FREM3: variants seen among roughly 807,000 people sequenced by gnomAD.
FREM3 encodes the protein FRAS1 related extracellular matrix 3, also known as FRAS1-related extracellular matrix protein 3.
In FREM3, 105 loss-of-function variants were observed where a neutral mutation model predicts 129.1. The ratio of observed to expected loss-of-function variants is 0.81; its 90% CI spans 0.69 to 0.96. The LOEUF (loss-of-function observed/expected upper bound fraction) is 0.96, where lower values mean the gene tolerates loss of function less well. Among genes scored for constraint, FREM3 ranks in the 40% least tolerant of loss-of-function variants. FREM3 has a pLI of 0.00. For synonymous variants in FREM3, 1,014 were observed against 1,044.9 expected (o/e 0.97, Z 0.57); for missense variants, 2,593 against 2,666.3 (o/e 0.97, Z 0.61).
At chr4:143,620,974 C>T in intron 5 of FREM3, 63 bp downstream of exon 5, 1 of 1,466,658 alleles carries the variant, frequency 6.8e-7, no homozygotes, top group Non-Finnish European at 9.2e-7. Context: ...GTACTCCCAG[C>T]ATTACCACAG....
At chr4:143,594,005 G>T (rs898204312) in intron 6 of FREM3, among the ~76,000 whole-genome samples, 2 of 152,216 alleles carry the variant, frequency 1.3e-5, no homozygotes, top group African/African-American at 4.8e-5. Flanking sequence ...GCGAGGCTCT[G>T]TGGGCGTAGG....
rs1384538581 is a variant in FREM3 at position 143,652,769 on chromosome 4, CA to C, written c.5276-25010del. On this transcript the variant is annotated intron_variant, in intron 2 of 7. Transcript: ENST00000329798. Reference sequence around the variant, plus strand: ...CTCAGCCTCTGAGTAGCTGGGATTACAGTTGCATGCCTCCATGCCCAGCTAA... The same window carrying C: ...CTCAGCCTCTGAGTAGCTGGGATTACGTTGCATGCCTCCATGCCCAGCTAA... 5.9e-5 allele frequency among the ~76,000 whole-genome samples: 9 copies of C among 152,316 alleles called. No individual in the cohort carries two copies. The South Asian group carries it at 1.9e-3, about 32-fold the overall frequency.
intron 2 of FREM3, among the ~76,000 whole-genome samples, chr4:143,682,427 G>A (rs984707380): frequency 5.9e-5 from 9 of 152,228 alleles, no homozygotes; most frequent in African/African-American, 1.7e-4. Context: ...GACTGATTGC[G>A]GGCTACCACT....
chr4:143,611,511 C>T lies in FREM3; in HGVS notation c.5796G>A (p.Thr1932=), dbSNP rs1319410474. 22 of 1,536,902 alleles carry T rather than the reference C, an allele frequency of 1.4e-5. No homozygotes were observed. The highest frequency in any genetic ancestry group is 8.2e-5 in the African/African-American group (6 of 73,122). The change falls in exon 6 of 8, where the codon ACG becomes ACA. Residue 1932 remains threonine, a synonymous_variant. Coordinates refer to ENST00000329798, the MANE Select transcript of FREM3 (RefSeq NM_001168235.2). ...CSTRQGSATG[T]ISSTVLFSDY... ...CAGAGAATAACACTGTGGAAGAAAT[C>T]GTGCCTGTGGCAGAACCTACAGAAA...
intron 6 of FREM3, among the ~76,000 whole-genome samples, chr4:143,603,181 A>C (rs1370448092): frequency 6.6e-6 from 1 of 152,158 alleles, no homozygotes; most frequent in Non-Finnish European, 1.5e-5. Flanking sequence ...GCCCACAGAC[A>C]AAATTGAGCT....
In FREM3 at chr4:143,630,220, G is replaced by A. The variant is rs1010924048; in HGVS notation, c.5276-2460C>T. On this transcript the variant is annotated intron_variant, in intron 2 of 7. Coordinates refer to ENST00000329798, the MANE Select transcript of FREM3 (RefSeq NM_001168235.2). Reference sequence around the variant, plus strand: ...AAGAAAATAATGCTACCAAATGACCGGCACAAATTAGGTGCTCAATAAATG... The same window carrying A: ...AAGAAAATAATGCTACCAAATGACCAGCACAAATTAGGTGCTCAATAAATG... Among the ~76,000 whole-genome samples, 22 of 152,130 alleles carry A rather than the reference G, an allele frequency of 1.4e-4. No individual in the cohort carries two copies. The Middle Eastern group carries it at 0.01, about 71-fold the overall frequency.
intron 2 of FREM3, among the ~76,000 whole-genome samples, chr4:143,655,470 T>C (rs1157615008): frequency 6.6e-6 from 1 of 152,192 alleles, no homozygotes; most frequent in African/African-American, 2.4e-5. Context: ...AAAATTAGAA[T>C]GTTTTACACC....
At chr4:143,607,413 C>T (rs1395860115) in intron 6 of FREM3, among the ~76,000 whole-genome samples, 1 of 152,116 alleles carries the variant, frequency 6.6e-6, no homozygotes, top group Non-Finnish European at 1.5e-5. Context: ...GAATCTCTGC[C>T]TTTTCTTGAT....
intron 2 of FREM3, among the ~76,000 whole-genome samples, chr4:143,681,377 G>A (rs1740246726): frequency 6.6e-6 from 1 of 152,084 alleles, no homozygotes; most frequent in Admixed American, 6.6e-5. Flanking sequence ...TAGTAGAGAT[G>A]TGAAAATTTT....
At chr4:143,621,654 A>G (rs1738953395) in intron 4 of FREM3, among the ~76,000 whole-genome samples, 1 of 152,210 alleles carries the variant, frequency 6.6e-6, no homozygotes, top group Non-Finnish European at 1.5e-5. Context: ...AAAATAAGCT[A>G]CAGGTCCTTC....
intron 2 of FREM3, among the ~76,000 whole-genome samples, chr4:143,691,622 G>C (rs945768651): frequency 2.6e-5 from 4 of 152,110 alleles, no homozygotes; most frequent in African/African-American, 9.7e-5. Flanking sequence ...TTCAACCATG[G>C]TGTCTTCATT....
At chr4:143,642,820 A>G (rs1004864686) in intron 2 of FREM3, among the ~76,000 whole-genome samples, 2 of 151,686 alleles carry the variant, frequency 1.3e-5, no homozygotes, top group South Asian at 4.2e-4. Flanking sequence ...TTTGCACAGC[A>G]AAGGAAACAA....
intron 2 of FREM3, among the ~76,000 whole-genome samples, chr4:143,676,838 A>G (rs1181546181): frequency 6.6e-6 from 1 of 151,782 alleles, no homozygotes; most frequent in African/African-American, 2.4e-5. Flanking sequence ...CTTACAAGGG[A>G]CGTGAAGGAC....
chr4:143,609,764 G>A (rs1203567190), intron 6 of FREM3, among the ~76,000 whole-genome samples: 2 of 152,122 alleles, frequency 1.3e-5, no homozygotes, highest in African/African-American at 4.8e-5. Context: ...ACTTGACCAC[G>A]TAGGGATTTT....
chr4:143,614,325 AAAAC>A (rs1414140393), intron 5 of FREM3, among the ~76,000 whole-genome samples: 3 of 152,238 alleles, frequency 2.0e-5, no homozygotes, highest in Non-Finnish European at 4.4e-5. Context: ...ATTTAAGTAA[AAAAC>A]AAACAATATT....
intron 2 of FREM3, among the ~76,000 whole-genome samples, chr4:143,628,859 A>G (rs1260731549): frequency 6.6e-6 from 1 of 152,124 alleles, no homozygotes; most frequent in Non-Finnish European, 1.5e-5. Context: ...CATTTCCAAA[A>G]AAGATTGGCA....
intron 2 of FREM3, among the ~76,000 whole-genome samples, chr4:143,651,718 A>T (rs1164682676): frequency 6.6e-6 from 1 of 152,210 alleles, no homozygotes; most frequent in Non-Finnish European, 1.5e-5. Context: ...AAATTGTGCA[A>T]ATCCAATGTC....
chr4:143,661,292 A>C (rs754691291), intron 2 of FREM3, among the ~76,000 whole-genome samples: 1 of 152,178 alleles, frequency 6.6e-6, no homozygotes, highest in Non-Finnish European at 1.5e-5. Flanking sequence ...TTTTAGCATG[A>C]AGGTAAGGGT....
At chr4:143,694,861 T>A (rs1381551657) in intron 1 of FREM3, among the ~76,000 whole-genome samples, 1 of 152,202 alleles carries the variant, frequency 6.6e-6, no homozygotes, top group African/African-American at 2.4e-5. Context: ...CACAGAGCTA[T>A]CTAAAAAAGT....
Sources: allele counts gnomAD v4.1 joint callset (sites outside exome capture counted in the v4.1 genomes callset), GRCh38; gene constraint gnomAD v4.1.1; transcripts MANE v1.5; gene names NCBI Gene and HGNC (gene_info 2026-07-23, HGNC 2026-07-21).